UFSP2: variants seen among roughly 807,000 people sequenced by gnomAD.
The protein encoded by UFSP2 is UFM1 specific peptidase 2.
A neutral mutation model predicts 60.2 loss-of-function variants in UFSP2; 43 were observed. The ratio of observed to expected loss-of-function variants is 0.71; its 90% CI spans 0.56 to 0.92. The LOEUF (loss-of-function observed/expected upper bound fraction) is 0.92. UFSP2 is among the 40% of genes least tolerant of loss of function. The pLI, the probability that UFSP2 is intolerant of heterozygous loss-of-function variation, is 0.00. For missense variants in UFSP2, 520 were observed against 575.0 expected, an observed-to-expected ratio of 0.90 and a Z score of 0.98; for synonymous variants, 183 against 195.1, an observed-to-expected ratio of 0.94 and a Z score of 0.52.
intron 6 of UFSP2, 58 bp from the exon 7 acceptor site, chr4:185,413,930 T>C (rs1392288684): frequency 2.8e-6 from 4 of 1,450,140 alleles, no homozygotes; most frequent in East Asian, 2.4e-5. Flanking sequence ...AGATTCCTAG[T>C]CAATAAATAA....
chr4:185,408,432 A>C lies in UFSP2; in HGVS notation c.835T>G (p.Tyr279Asp). 2 of 1,613,806 alleles carry C rather than the reference A, an allele frequency of 1.2e-6. No homozygotes were observed. Among genetic ancestry groups the C allele is most frequent in the African/African-American group, 2.7e-5 (2 of 75,034 alleles). The change falls in exon 8 of 12, where the codon TAT becomes GAT. Residue 279 changes from tyrosine to aspartate, a missense_variant. Tyr to Asp is a radical substitution (Grantham distance 160, BLOSUM62 -3). Coordinates refer to ENST00000264689, the MANE Select transcript of UFSP2 (RefSeq NM_018359.5). ...NPPNMETGMI[Y>D]VVQGIYGYHH... ...TAGCCATATATGCCCTGGACCACAT[A>C]AATCTATATACAGAGAAGAAACACA...
intron 7 of UFSP2, among the ~76,000 whole-genome samples, chr4:185,411,104 C>A (rs2095528515): frequency 1.4e-5 from 2 of 147,088 alleles, no homozygotes; most frequent in Non-Finnish European, 3.0e-5. Context: ...ATAGAGGGGG[C>A]CAACAAAGCC....
chr4:185,408,807 C>T (rs544470667), intron 7 of UFSP2, among the ~76,000 whole-genome samples: 62 of 152,306 alleles, frequency 4.1e-4, no homozygotes, highest in African/African-American at 1.5e-3. Context: ...TGCACTCTTA[C>T]TTCACTCAGG....
chr4:185,405,002 C>T (rs377475426), intron 10 of UFSP2, among the ~76,000 whole-genome samples: 41 of 138,192 alleles, frequency 3.0e-4, no homozygotes, highest in East Asian at 4.2e-4. Flanking sequence ...ACCTCCATTT[C>T]TTTTTTTTTT....
intron 9 of UFSP2, among the ~76,000 whole-genome samples, chr4:185,407,162 T>C (rs1300743687): frequency 3.3e-5 from 5 of 151,466 alleles, no homozygotes; most frequent in African/African-American, 1.2e-4. Context: ...GCGATTCTCC[T>C]GCCTCAGCCT....
chr4:185,406,014 A>C lies in UFSP2; in HGVS notation c.1122-158T>G. On this transcript the variant is annotated intron_variant, in intron 9 of 11. Coordinates refer to ENST00000264689, the MANE Select transcript of UFSP2 (RefSeq NM_018359.5). ...AAGTGTTAGGGAACTGAGAGCAATT[A>C]AACTGTGCAATTTAAAGCAACATAA... 3 of 1,465,040 alleles carry C rather than the reference A, an allele frequency of 2.0e-6. No individual in the cohort carries two copies. In the South Asian group the frequency reaches 3.7e-5, roughly 18 times the overall value. 90.8% of individuals were successfully genotyped at this position (1,465,040 alleles called of 1,614,324 possible). A position where few individuals can be genotyped will look rare whatever the true frequency, so the allele number is the denominator to read the frequency against.
chr4:185,405,255 C>T (rs2095518957), intron 10 of UFSP2, among the ~76,000 whole-genome samples: 1 of 151,962 alleles, frequency 6.6e-6, no homozygotes, highest in African/African-American at 2.4e-5. Flanking sequence ...GCCTCAGCCT[C>T]CCGAAGTGCT....
intron 2 of UFSP2, among the ~76,000 whole-genome samples, chr4:185,419,006 G>T (rs897943642): frequency 1.3e-5 from 2 of 152,052 alleles, no homozygotes; most frequent in South Asian, 2.1e-4. Flanking sequence ...TATTCATAAG[G>T]TTTCATAATG....
Position 185,407,997 on chromosome 4 carries a change from T to C in UFSP2, c.1060A>G (p.Ile354Val), listed in dbSNP as rs764736998. 13 of 1,614,152 alleles carry C rather than the reference T, an allele frequency of 8.1e-6. No homozygotes were observed. The East Asian group carries it at 1.3e-4, about 17-fold the overall frequency. Residue 354 changes from isoleucine (I) to valine (V), a missense_variant, in exon 9 of 12, where the codon ATT (isoleucine) becomes GTT (valine). Ile to Val is a conservative substitution (Grantham distance 29, BLOSUM62 3). Coordinates refer to ENST00000264689, the MANE Select transcript of UFSP2 (RefSeq NM_018359.5). The stretch of plus-strand genomic sequence containing the variant: ...TGGTTTAGTACCAGCTGCACCTCAA[T>C]AGATCCAATCCATTGCCGCGATCCG... ...FVGSRQWIGS[I>V]EVQLVLNQLI...
intron 4 of UFSP2, among the ~76,000 whole-genome samples, chr4:185,418,046 A>AC (rs2095542073): frequency 1.5e-5 from 2 of 132,778 alleles, no homozygotes; most frequent in African/African-American, 5.6e-5. Context: ...CTCCATCTCA[A>AC]AACACACACA....
chr4:185,415,158 C>T lies in UFSP2; in HGVS notation c.681G>A (p.Arg227=). ...AGAATAGATGAACTGGTTTTACCTT[C>T]CTATAGGCCTGCAGCTGGCCATCTG... ...GIPDGQLQAY[R]KELHDLFNLP... Residue 227 remains arginine (R), a synonymous_variant, in exon 6 of 12, where the codon AGG becomes AGA. Transcript: ENST00000264689. The T allele has an allele frequency of 6.3e-7, 1 of 1,586,306 alleles. No homozygotes were observed.
At position 185,399,775 on chromosome 4, in the gene UFSP2, T is replaced by TA; in HGVS notation, c.*616dup. The TA allele has an allele frequency of 6.2e-7, 1 of 1,613,956 alleles. No individual in the cohort carries two copies. The highest frequency in any genetic ancestry group is 1.1e-5 in the South Asian group (1 of 91,038). On this transcript the variant is annotated 3_prime_UTR_variant, in exon 12 of 12. Coordinates refer to ENST00000264689, the MANE Select transcript of UFSP2 (RefSeq NM_018359.5). ...TACCAGTGGGAAAAGGAAGTGCTGG[T>TA]AAGTAACTCAGAGCTGCTGCTTTTT...
At chr4:185,419,893 T>C (rs2095546283) in intron 2 of UFSP2, among the ~76,000 whole-genome samples, 1 of 152,256 alleles carries the variant, frequency 6.6e-6, no homozygotes, top group South Asian at 2.1e-4. Context: ...GTTCAGTTTC[T>C]GTGTGGATGT....
intron 11 of UFSP2, 67 bp downstream of exon 11, chr4:185,403,427 C>A: frequency 6.4e-7 from 1 of 1,573,528 alleles, no homozygotes; most frequent in Non-Finnish European, 8.6e-7. Context: ...TGTTACCAGC[C>A]AGTTTGTGAT....
chr4:185,399,803 C>T lies in UFSP2; in HGVS notation c.*589G>A. On this transcript the variant is annotated 3_prime_UTR_variant, in exon 12 of 12. Coordinates refer to ENST00000264689, the MANE Select transcript of UFSP2 (RefSeq NM_018359.5). The stretch of plus-strand genomic sequence containing the variant: ...GTAACTCAGAGCTGCTGCTTTTTTC[C>T]TCCCGCAGTGATCTCTTGTTTGCAT... 6.2e-7 allele frequency: 1 copy of T among 1,612,630 alleles called. No individual in the cohort carries two copies. The highest frequency in any genetic ancestry group is 1.1e-5 in the South Asian group (1 of 90,788).
chr4:185,422,414 CA>C, intron 2 of UFSP2, 70 bp downstream of exon 2: 1 of 1,154,584 alleles, frequency 8.7e-7, no homozygotes, highest in South Asian at 1.4e-5. Context: ...GTTTCATTTG[CA>C]AAGTGGAAAT....
rs1302474901 is a variant in UFSP2 at position 185,425,884 on chromosome 4, G to C, written c.-16C>G. 2 of 1,600,512 alleles carry C rather than the reference G, an allele frequency of 1.2e-6. No homozygotes were observed. The highest frequency in any genetic ancestry group is 1.7e-6 in the Non-Finnish European group (2 of 1,173,654). On this transcript the variant is annotated 5_prime_UTR_variant, in exon 1 of 12. Transcript: ENST00000264689. ...TACTCACCATGTCCGCGACGTGGCGGTGACACGGGCGCTGACGCCTGCCCA... is the reference window on the plus strand; with the variant it reads ...TACTCACCATGTCCGCGACGTGGCGCTGACACGGGCGCTGACGCCTGCCCA...
chr4:185,404,293 GTTTTTTTTTT>G (rs70962562), intron 10 of UFSP2, among the ~76,000 whole-genome samples: 8 of 80,482 alleles, frequency 9.9e-5, no homozygotes, highest in South Asian at 4.7e-4. Context: ...CATTCATTAA[GTTTTTTTTTT>G]TTTTTTTTTT....
At chr4:185,423,111 G>C (rs1482791782) in intron 1 of UFSP2, among the ~76,000 whole-genome samples, 1 of 152,138 alleles carries the variant, frequency 6.6e-6, no homozygotes, top group Admixed American at 6.5e-5. Flanking sequence ...CGCCTGTCTC[G>C]GCCTCCCAAA....
Sources: gnomAD v4.1 joint callset for allele counts (sites outside exome capture counted in the v4.1 genomes callset) on GRCh38, gnomAD v4.1.1 for gene constraint, MANE v1.5 for transcripts, NCBI Gene and HGNC (gene_info 2026-07-23, HGNC 2026-07-21) for gene names.